The following CC2D1A variants were observed in gnomAD, a reference collection of about 807,000 sequenced individuals.
CC2D1A encodes coiled-coil and C2 domain-containing protein 1A.
Under a neutral mutation model 123.8 loss-of-function variants are expected in CC2D1A, and 68 were observed. That is an observed-to-expected ratio of 0.55 (90% CI 0.45 to 0.67). CC2D1A has a LOEUF of 0.67. Among genes scored for constraint, CC2D1A ranks in the 30% least tolerant of loss-of-function variants. The pLI is 0.00. For synonymous variants in CC2D1A, 477 were observed against 528.0 expected (o/e 0.90, Z 1.32); for missense variants, 1,185 against 1,290.3 (o/e 0.92, Z 1.25).
intron 14 of CC2D1A, among the ~76,000 whole-genome samples, chr19:13,922,896 A>G (rs1320616742): frequency 6.6e-6 from 1 of 152,134 alleles, no homozygotes; most frequent in East Asian, 1.9e-4. Flanking sequence ...GGAAGGATCA[A>G]GAAGAAAGAA....
intron 6 of CC2D1A, among the ~76,000 whole-genome samples, chr19:13,917,754 G>A (rs1387701846): frequency 1.3e-5 from 2 of 150,206 alleles, no homozygotes; most frequent in Non-Finnish European, 3.0e-5. Context: ...CAAGGTGGGC[G>A]GATCACCTGA....
chr19:13,920,527 ATC>A, intron 12 of CC2D1A, 28 bp from the exon 13 acceptor site: 2 of 1,343,528 alleles, frequency 1.5e-6, no homozygotes, highest in Non-Finnish European at 2.1e-6. Context: ...GCGCTACGAA[ATC>A]TCTAACATCC....
At chr19:13,926,768 G>A (rs1339156252) in intron 19 of CC2D1A, 43 bp downstream of exon 19, 4 of 1,613,960 alleles carry the variant, frequency 2.5e-6, no homozygotes, top group Non-Finnish European at 3.4e-6. Flanking sequence ...GCCTCAGTGG[G>A]CCAAAGCCAG....
At chr19:13,909,716 C>G in intron 1 of CC2D1A, 107 bp from the exon 2 acceptor site, 1 of 1,460,436 alleles carries the variant, frequency 6.8e-7, no homozygotes, top group African/African-American at 1.4e-5. Flanking sequence ...ATGGCTTTCC[C>G]TGGGAGACCT....
In CC2D1A at chr19:13,919,959, G is replaced by T; in HGVS notation, c.1356+8G>T. On this transcript the variant is annotated splice_region_variant and intron_variant, in intron 12 of 28. Coordinates refer to ENST00000318003, the MANE Select transcript of CC2D1A (RefSeq NM_017721.5). ...GATGAGGTGCCTAAGAAGGTTTGAG[G>T]GTTGGGGCCGGGCGCAGTGGCTCAC... 6.2e-7 allele frequency: 1 copy of T among 1,609,646 alleles called. No individual in the cohort carries two copies. The highest frequency in any genetic ancestry group is 8.5e-7 in the Non-Finnish European group (1 of 1,177,826).
chr19:13,906,603 C>G lies in CC2D1A; in HGVS notation c.60+102C>G. On this transcript the variant is annotated intron_variant, in intron 1 of 28. Transcript: ENST00000318003. The surrounding 1 kb of genome is among the most constrained non-coding windows in gnomAD (Gnocchi z 4.1). ...CCAGGGAAGCCCGATCTCCGCCCCA[C>G]AGGTAAGCCCCGGTCCCCGCCTCCC... 1.5e-6 allele frequency: 1 copy of G among 682,346 alleles called. No individual in the cohort carries two copies. The highest frequency in any genetic ancestry group is 2.3e-6 in the Non-Finnish European group (1 of 443,148). The allele number at this position is 682,346 out of a possible 1,614,324, so 42.3% of individuals were successfully genotyped here.
chr19:13,928,100 C>A lies in CC2D1A; in HGVS notation c.2455-24C>A. The A allele has an allele frequency of 4.3e-6, 7 of 1,612,708 alleles. No individual in the cohort carries two copies. The South Asian group carries it at 6.6e-5, about 15-fold the overall frequency. On this transcript the variant is annotated intron_variant, in intron 23 of 28. Coordinates refer to ENST00000318003, the MANE Select transcript of CC2D1A (RefSeq NM_017721.5). ...GCTTGGTTCAGGGGCCCAGGACTCA[C>A]AGGACTGGTTCTCTCCTCTGAAGCA...
chr19:13,927,303 C>A, intron 22 of CC2D1A, 38 bp downstream of exon 22: 1 of 1,498,614 alleles, frequency 6.7e-7, no homozygotes, highest in Non-Finnish European at 9.3e-7. Flanking sequence ...TCCGGTATGG[C>A]CATGCTACTC....
chr19:13,924,449 C>T (rs939524439), intron 17 of CC2D1A, among the ~76,000 whole-genome samples: 1 of 151,974 alleles, frequency 6.6e-6, no homozygotes, highest in African/African-American at 2.4e-5. Context: ...GGATTACAGG[C>T]GTGAGCCACC....
chr19:13,908,473 C>T (rs1277282545), intron 1 of CC2D1A, among the ~76,000 whole-genome samples: 1 of 146,454 alleles, frequency 6.8e-6, no homozygotes, highest in Non-Finnish European at 1.5e-5. Context: ...AATTGCTCTT[C>T]TTTTTTTTTT....
chr19:13,914,245 C>T (rs779164540), intron 6 of CC2D1A, among the ~76,000 whole-genome samples: 8 of 151,558 alleles, frequency 5.3e-5, no homozygotes, highest in Non-Finnish European at 1.0e-4. Flanking sequence ...GTGATCATAG[C>T]TCAGTGTAGC....
At chr19:13,908,954 C>CT (rs1970893006) in intron 1 of CC2D1A, among the ~76,000 whole-genome samples, 2 of 151,238 alleles carry the variant, frequency 1.3e-5, no homozygotes, top group African/African-American at 4.9e-5. Flanking sequence ...TTCAACAGGG[C>CT]TTTACTCTGT....
At chr19:13,918,850 G>A (rs1276906848) in intron 9 of CC2D1A, 33 bp downstream of exon 9, 1 of 1,611,116 alleles carries the variant, frequency 6.2e-7, no homozygotes, top group Non-Finnish European at 8.5e-7. Context: ...GTTGGGGGCA[G>A]GCTGGAGCCA....
chr19:13,928,281 C>T (rs1474116080), intron 24 of CC2D1A, 93 bp downstream of exon 24: 8 of 1,068,878 alleles, frequency 7.5e-6, no homozygotes, highest in African/African-American at 4.7e-5. Context: ...AATTGGACCA[C>T]GTCCCTCTCC....
intron 2 of CC2D1A, among the ~76,000 whole-genome samples, chr19:13,912,122 A>AT (rs1971020789): frequency 6.6e-6 from 1 of 151,912 alleles, no homozygotes; most frequent in Non-Finnish European, 1.5e-5. Context: ...AAGTGCTGGG[A>AT]TTATAGGCGT....
intron 2 of CC2D1A, 78 bp from the exon 3 acceptor site, chr19:13,912,245 A>T (rs1971023744): frequency 3.5e-6 from 5 of 1,444,180 alleles, no homozygotes; most frequent in Non-Finnish European, 4.7e-6. Flanking sequence ...AAGTGGGATC[A>T]CCTAGCGTGT....
chr19:13,918,775 C>T lies in CC2D1A; in HGVS notation c.976C>T (p.Pro326Ser). ...DQLPPDPPSPPSQPPTPATAP... is the reference protein window; with the variant it reads ...DQLPPDPPSPSSQPPTPATAP... The stretch of plus-strand genomic sequence containing the variant: ...GCTGCCCCCAGACCCACCGTCACCA[C>T]CGTCGCAGCCTCCGACCCCCGCTAC... The change falls in exon 9 of 29, where the codon CCG (proline) becomes TCG (serine). Residue 326 changes from proline (P) to serine (S), a missense_variant. Pro to Ser is a moderately conservative substitution (Grantham distance 74). Coordinates refer to ENST00000318003, the MANE Select transcript of CC2D1A (RefSeq NM_017721.5). 6.2e-7 allele frequency: 1 copy of T among 1,613,388 alleles called. No homozygotes were observed. Among genetic ancestry groups the T allele is most frequent in the Non-Finnish European group, 8.5e-7 (1 of 1,179,702 alleles).
In CC2D1A at chr19:13,926,989, C is replaced by T; in HGVS notation, c.2137C>T (p.Gln713Ter). 6.2e-7 allele frequency: 1 copy of T among 1,614,018 alleles called. No homozygotes were observed. The highest frequency in any genetic ancestry group is 8.5e-7 in the Non-Finnish European group (1 of 1,179,940). ...KNTDSPEFKE[Q>*]FKLCINRSHR... is the part of the protein sequence containing the mutation. ...CCTTCCTCCTGCAGAGTTCAAGGAG[C>T]AGTTCAAACTCTGCATCAACCGCAG... The change falls in exon 21 of 29, where the codon CAG (glutamine) becomes TAG (stop). Residue 713 changes from glutamine to a stop codon, truncating the protein, a stop_gained. Transcript: ENST00000318003. LOFTEE classifies it high-confidence loss of function.
intron 14 of CC2D1A, among the ~76,000 whole-genome samples, chr19:13,921,916 A>G (rs1433565401): frequency 2.0e-5 from 3 of 152,186 alleles, no homozygotes; most frequent in Admixed American, 1.3e-4. Context: ...GAAACACACA[A>G]ATAAATACAG....
Sources: gnomAD v4.1 joint callset for allele counts (sites outside exome capture counted in the v4.1 genomes callset) on GRCh38, gnomAD v4.1.1 for gene constraint, Gnocchi (gnomAD v3.1) non-coding constraint, MANE v1.5 for transcripts, NCBI Gene and HGNC (gene_info 2026-07-23, HGNC 2026-07-21) for gene names.